CSMD1: variants seen among roughly 807,000 people sequenced by gnomAD.
The protein encoded by CSMD1 is CUB and Sushi multiple domains 1.
A neutral mutation model predicts 417.5 loss-of-function variants in CSMD1; 213 were observed. That is an observed-to-expected ratio of 0.51 (90% CI 0.46 to 0.57). CSMD1 has a LOEUF of 0.57. Among genes scored for constraint, CSMD1 ranks in the 20% least tolerant of loss-of-function variants. The probability of loss-of-function intolerance (pLI) is 0.00; values close to 1 mark genes in which losing one functional copy is unlikely to be tolerated. For missense variants in CSMD1, 6,923 were observed against 4,529.7 expected (o/e 1.53, Z -15.17); for synonymous variants, 2,862 against 1,736.8 (o/e 1.65, Z -16.11).
rs111931778 is a variant in CSMD1 at position 4,445,805 on chromosome 8, T to G, written c.303-25740A>C. On this transcript the variant is annotated intron_variant, in intron 2 of 69. Coordinates refer to ENST00000635120, the MANE Select transcript of CSMD1 (RefSeq NM_033225.6). The stretch of plus-strand genomic sequence containing the variant: ...CAGAAATGTGTCAGAAATAGATGAT[T>G]AACGAGAATGTTTAAATTGCCTACT... Among the ~76,000 whole-genome samples, 2 of 152,152 alleles carry G rather than the reference T, an allele frequency of 1.3e-5. 1 individual carries two copies. The highest frequency in any genetic ancestry group is 4.8e-5 in the African/African-American group (2 of 41,430).
chr8:4,643,996 A>G (rs538657456), intron 1 of CSMD1, among the ~76,000 whole-genome samples: 1 of 152,312 alleles, frequency 6.6e-6, no homozygotes, highest in East Asian at 1.9e-4. Context: ...TTTTACTCCC[A>G]AACACTTATG....
chr8:4,101,095 C>T (rs1192153218), intron 3 of CSMD1, among the ~76,000 whole-genome samples: 3 of 152,196 alleles, frequency 2.0e-5, no homozygotes, highest in Non-Finnish European at 4.4e-5. Flanking sequence ...AACTATGCAT[C>T]TACCGGTTAA....
At chr8:3,812,314 G>C (rs1047214460) in intron 5 of CSMD1, among the ~76,000 whole-genome samples, 1 of 152,160 alleles carries the variant, frequency 6.6e-6, no homozygotes, top group African/African-American at 2.4e-5. Context: ...CCTTTTCTGA[G>C]CTTTGCCTCT....
At chr8:3,914,046 G>C (rs188967080) in intron 5 of CSMD1, among the ~76,000 whole-genome samples, 10 of 152,164 alleles carry the variant, frequency 6.6e-5, no homozygotes. Flanking sequence ...TAAAGAAAAA[G>C]TAATATTAAG....
chr8:3,747,730 G>C (rs926940603), intron 6 of CSMD1, among the ~76,000 whole-genome samples: 1 of 152,030 alleles, frequency 6.6e-6, no homozygotes, highest in Non-Finnish European at 1.5e-5. Context: ...TGTTCAGCTT[G>C]ATGGTAAAAC....
intron 3 of CSMD1, among the ~76,000 whole-genome samples, chr8:4,372,970 A>G (rs1214419594): frequency 1.3e-5 from 2 of 152,294 alleles, no homozygotes; most frequent in South Asian, 2.1e-4. Context: ...TGGCAAGAGG[A>G]AAATATAAAG....
intron 1 of CSMD1, among the ~76,000 whole-genome samples, chr8:4,921,447 A>T (rs4373538): frequency 6.6e-6 from 1 of 152,114 alleles, no homozygotes; most frequent in African/African-American, 2.4e-5. Flanking sequence ...CATGTTAAAG[A>T]TAAGAATGTC....
chr8:3,191,598 C>A (rs546183120), intron 33 of CSMD1, among the ~76,000 whole-genome samples: 1 of 152,192 alleles, frequency 6.6e-6, no homozygotes, highest in East Asian at 1.9e-4. Flanking sequence ...ATCTCATGGG[C>A]TTTGGATAGT....
intron 11 of CSMD1, among the ~76,000 whole-genome samples, chr8:3,484,158 A>C (rs555281176): frequency 6.6e-6 from 1 of 152,242 alleles, no homozygotes; most frequent in Non-Finnish European, 1.5e-5. Flanking sequence ...TAAAGTGAGA[A>C]ACATCACTCC....
At chr8:3,744,701 G>T (rs1472562043) in intron 6 of CSMD1, among the ~76,000 whole-genome samples, 2 of 152,270 alleles carry the variant, frequency 1.3e-5, no homozygotes, top group African/African-American at 4.8e-5. Context: ...AACATGAAAC[G>T]TTGTCTGGGC....
chr8:3,990,114 G>T (rs969012577), intron 5 of CSMD1, among the ~76,000 whole-genome samples: 1 of 152,148 alleles, frequency 6.6e-6, no homozygotes, highest in East Asian at 1.9e-4. Flanking sequence ...TTTTAAATGA[G>T]AAATTTATTT....
At chr8:3,012,260 A>G (rs1475079780) in intron 52 of CSMD1, among the ~76,000 whole-genome samples, 1 of 152,236 alleles carries the variant, frequency 6.6e-6, no homozygotes, top group Non-Finnish European at 1.5e-5. Flanking sequence ...CCTAAAACAC[A>G]GCATGGATTG....
intron 1 of CSMD1, among the ~76,000 whole-genome samples, chr8:4,716,783 T>C (rs1302178035): frequency 6.6e-6 from 1 of 152,262 alleles, no homozygotes; most frequent in South Asian, 2.1e-4. Flanking sequence ...AGGAAAGAAA[T>C]CAGTGTCTCG....
intron 1 of CSMD1, among the ~76,000 whole-genome samples, chr8:4,762,027 T>C (rs1360857025): frequency 6.6e-6 from 1 of 152,008 alleles, no homozygotes; most frequent in Admixed American, 6.6e-5. Context: ...TTTTAATATA[T>C]TAAGACTCAG....
intron 1 of CSMD1, among the ~76,000 whole-genome samples, chr8:4,767,468 G>A (rs1304173571): frequency 6.6e-6 from 1 of 152,066 alleles, no homozygotes; most frequent in Non-Finnish European, 1.5e-5. Context: ...CTGGGGCTCT[G>A]CCTCCCTCAC....
intron 3 of CSMD1, among the ~76,000 whole-genome samples, chr8:4,104,214 T>G (rs573459940): frequency 6.6e-6 from 1 of 152,352 alleles, no homozygotes; most frequent in East Asian, 1.9e-4. Context: ...TGTGTGAATG[T>G]ACGTGAGTGC....
intron 25 of CSMD1, among the ~76,000 whole-genome samples, chr8:3,299,151 G>A (rs1245656732): frequency 6.6e-6 from 1 of 152,050 alleles, no homozygotes; most frequent in Non-Finnish European, 1.5e-5. Context: ...GGTAAAGGAA[G>A]TTAAAAAAAA....
chr8:4,730,123 T>G (rs79828069), intron 1 of CSMD1, among the ~76,000 whole-genome samples: 2 of 152,026 alleles, frequency 1.3e-5, no homozygotes, highest in African/African-American at 4.8e-5. Context: ...CTTAGAAGCA[T>G]TGAGAAGTAC....
At chr8:4,952,847 G>C (rs927325092) in intron 1 of CSMD1, among the ~76,000 whole-genome samples, 1 of 152,086 alleles carries the variant, frequency 6.6e-6, no homozygotes, top group Admixed American at 6.6e-5. Context: ...ACTATATGCA[G>C]GTAAGCTTGT....
Sources: allele counts gnomAD v4.1 joint callset (sites outside exome capture counted in the v4.1 genomes callset), GRCh38; gene constraint gnomAD v4.1.1; transcripts MANE v1.5; gene names NCBI Gene and HGNC (gene_info 2026-07-23, HGNC 2026-07-21).